GABBR2: variants seen among roughly 807,000 people sequenced by gnomAD.
GABBR2 encodes the protein gamma-aminobutyric acid type B receptor subunit 2.
In GABBR2, 23 loss-of-function variants were observed where a neutral mutation model predicts 105.6. The observed-to-expected ratio is 0.22, with a 90% CI of 0.16 to 0.31. GABBR2 has a LOEUF of 0.31. Ranked by LOEUF, GABBR2 falls within the 10% of genes least tolerant of loss-of-function variation. The probability of loss-of-function intolerance (pLI) is 1.00; values close to 1 mark genes in which losing one functional copy is unlikely to be tolerated. For synonymous variants in GABBR2, 478 were observed against 499.7 expected, an observed-to-expected ratio of 0.96 and a Z score of 0.58; for missense variants, 734 against 1,245.5, an observed-to-expected ratio of 0.59 and a Z score of 6.18.
intron 5 of GABBR2, among the ~76,000 whole-genome samples, chr9:98,474,327 T>G (rs1480218599): frequency 6.6e-6 from 1 of 152,158 alleles, no homozygotes; most frequent in Non-Finnish European, 1.5e-5. Flanking sequence ...TTGACTCTAA[T>G]TCTTATTGTC....
intron 6 of GABBR2, among the ~76,000 whole-genome samples, chr9:98,462,829 G>A (rs1409527182): frequency 1.3e-5 from 2 of 152,206 alleles, no homozygotes; most frequent in African/African-American, 2.4e-5. Flanking sequence ...GTGCACATAT[G>A]TTCACCAAAA....
chr9:98,340,970 T>A (rs914964974), intron 13 of GABBR2, among the ~76,000 whole-genome samples: 5 of 152,244 alleles, frequency 3.3e-5, no homozygotes, highest in Non-Finnish European at 5.9e-5. Flanking sequence ...ACTTGAGAAT[T>A]TCTAGCAAAC....
intron 13 of GABBR2, among the ~76,000 whole-genome samples, chr9:98,336,330 C>T (rs1327943477): frequency 1.3e-5 from 2 of 152,102 alleles, no homozygotes; most frequent in Non-Finnish European, 2.9e-5. Flanking sequence ...TTGTGTAGGA[C>T]CTGTAGCAAG....
chr9:98,597,932 T>A (rs1013415486), intron 1 of GABBR2, among the ~76,000 whole-genome samples: 8 of 152,168 alleles, frequency 5.3e-5, no homozygotes, highest in Non-Finnish European at 1.2e-4. Context: ...CCAACTCTAC[T>A]GCCTCAGCCT....
chr9:98,368,075 C>G (rs1353767796), intron 12 of GABBR2, among the ~76,000 whole-genome samples: 1 of 152,040 alleles, frequency 6.6e-6, no homozygotes, highest in African/African-American at 2.4e-5. Flanking sequence ...TCCCTGACAT[C>G]ACCCTCACCA....
chr9:98,384,831 T>C (rs1184946034), intron 11 of GABBR2, among the ~76,000 whole-genome samples: 2 of 152,168 alleles, frequency 1.3e-5, no homozygotes, highest in Admixed American at 1.3e-4. Flanking sequence ...TAGATATATA[T>C]ATAAAGTACA....
At chr9:98,477,804 C>A (rs1334252424) in intron 5 of GABBR2, among the ~76,000 whole-genome samples, 2 of 152,176 alleles carry the variant, frequency 1.3e-5, no homozygotes, top group African/African-American at 4.8e-5. Context: ...TAGTAATAAA[C>A]CCTCGCATCA....
intron 8 of GABBR2, among the ~76,000 whole-genome samples, chr9:98,401,400 A>G (rs1832392870): frequency 6.6e-6 from 1 of 152,188 alleles, no homozygotes; most frequent in Admixed American, 6.5e-5. Flanking sequence ...TCGATGGCTC[A>G]ATGAAACCCA....
At chr9:98,607,703 T>A in intron 1 of GABBR2, 2 of 761,002 alleles carry the variant, frequency 2.6e-6, no homozygotes, top group Non-Finnish European at 4.8e-6. Context: ...AGAACACACA[T>A]GCAGGACTTG....
At chr9:98,350,551 G>A (rs1267035994) in intron 13 of GABBR2, among the ~76,000 whole-genome samples, 1 of 152,016 alleles carries the variant, frequency 6.6e-6, no homozygotes, top group East Asian at 1.9e-4. Flanking sequence ...CAGTTTCCAA[G>A]GTTCCTTTTG....
intron 1 of GABBR2, among the ~76,000 whole-genome samples, chr9:98,600,283 G>A (rs1829306985): frequency 6.6e-6 from 1 of 152,132 alleles, no homozygotes; most frequent in Non-Finnish European, 1.5e-5. Flanking sequence ...CTTCTCTGCT[G>A]GGCAGAGCAC....
intron 7 of GABBR2, among the ~76,000 whole-genome samples, chr9:98,418,880 C>T (rs1446308202): frequency 6.6e-6 from 1 of 152,256 alleles, no homozygotes; most frequent in Non-Finnish European, 1.5e-5. Flanking sequence ...TCACCACCCC[C>T]ACCCATGGTT....
At chr9:98,458,654 G>A (rs780346756) in intron 6 of GABBR2, among the ~76,000 whole-genome samples, 7 of 152,174 alleles carry the variant, frequency 4.6e-5, no homozygotes, top group East Asian at 1.9e-4. Context: ...GCAGTGAGCC[G>A]AGATTGCATC....
intron 4 of GABBR2, among the ~76,000 whole-genome samples, chr9:98,485,535 C>T (rs1827026985): frequency 6.6e-6 from 1 of 152,078 alleles, no homozygotes; most frequent in Non-Finnish European, 1.5e-5. Context: ...CGCACACACA[C>T]TCACGCACGC....
intron 1 of GABBR2, among the ~76,000 whole-genome samples, chr9:98,602,247 A>G (rs555400296): frequency 6.6e-6 from 1 of 151,128 alleles, no homozygotes; most frequent in East Asian, 2.0e-4. Context: ...GCCGAGGCAG[A>G]TGGATCATGA....
intron 2 of GABBR2, among the ~76,000 whole-genome samples, chr9:98,546,179 G>C (rs1386266813): frequency 6.6e-6 from 1 of 151,990 alleles, no homozygotes; most frequent in Non-Finnish European, 1.5e-5. Context: ...ATGGTGGCTG[G>C]AAAAAAGATG....
chr9:98,324,500 AC>A (rs1830884640), intron 13 of GABBR2, among the ~76,000 whole-genome samples: 1 of 38,576 alleles, frequency 2.6e-5, no homozygotes, highest in African/African-American at 1.1e-4. Flanking sequence ...GCCGACACAC[AC>A]ACACACACAC....
intron 1 of GABBR2, among the ~76,000 whole-genome samples, chr9:98,692,756 T>C (rs1830699572): frequency 6.6e-6 from 1 of 152,220 alleles, no homozygotes; most frequent in African/African-American, 2.4e-5. Context: ...CAAGAATTCT[T>C]CTTTAGTTGT....
At chr9:98,576,860 G>A (rs556657642) in intron 2 of GABBR2, among the ~76,000 whole-genome samples, 1 of 152,136 alleles carries the variant, frequency 6.6e-6, no homozygotes, top group East Asian at 1.9e-4. Context: ...TCCCCAGTGT[G>A]CCTACCAAAA....
Sources: allele counts gnomAD v4.1 joint callset (sites outside exome capture counted in the v4.1 genomes callset), GRCh38; gene constraint gnomAD v4.1.1; transcripts MANE v1.5; gene names NCBI Gene and HGNC (gene_info 2026-07-23, HGNC 2026-07-21).